The following MYLK variants were observed in gnomAD, a reference collection of about 807,000 sequenced individuals.
The protein encoded by MYLK is myosin light chain kinase, smooth muscle.
In MYLK, 106 loss-of-function variants were observed where a neutral mutation model predicts 203.4. The observed-to-expected ratio is 0.52, with a 90% confidence interval of 0.45 to 0.61. MYLK has a LOEUF of 0.61. MYLK is among the 20% of genes least tolerant of loss of function. The pLI is 0.00. For synonymous variants in MYLK, 867 were observed against 959.5 expected, an observed-to-expected ratio of 0.90 and a Z score of 1.78; for missense variants, 2,072 against 2,442.3, an observed-to-expected ratio of 0.85 and a Z score of 3.20.
intron 2 of MYLK, among the ~76,000 whole-genome samples, chr3:123,852,105 A>G (rs1560290635): frequency 6.6e-6 from 1 of 152,190 alleles, no homozygotes; most frequent in South Asian, 2.1e-4. Context: ...CCACTTGATC[A>G]TGGTGGATAA....
intron 20 of MYLK, among the ~76,000 whole-genome samples, chr3:123,672,262 A>T (rs2059939101): frequency 6.6e-6 from 1 of 151,714 alleles, no homozygotes; most frequent in African/African-American, 2.4e-5. Context: ...GGAGGAAGGG[A>T]GAAGGAGGGA....
chr3:123,820,882 C>A (rs187166921), intron 3 of MYLK, among the ~76,000 whole-genome samples: 40 of 152,224 alleles, frequency 2.6e-4, no homozygotes, highest in African/African-American at 9.2e-4. Context: ...CACCACCACA[C>A]CTGGCTATTC....
At chr3:123,853,881 A>T (rs2031098569) in intron 2 of MYLK, among the ~76,000 whole-genome samples, 1 of 152,114 alleles carries the variant, frequency 6.6e-6, no homozygotes, top group South Asian at 2.1e-4. Flanking sequence ...TTCTCTCCCC[A>T]TTGAATCCAG....
chr3:123,852,378 A>G (rs1362854196), intron 2 of MYLK, among the ~76,000 whole-genome samples: 1 of 152,110 alleles, frequency 6.6e-6, no homozygotes, highest in East Asian at 1.9e-4. Flanking sequence ...TTTGGTTGGT[A>G]GGCTATTAAT....
chr3:123,611,249 T>G lies in MYLK; in HGVS notation c.*2856A>C, dbSNP rs1195527751. ...ACTCTTTCTAGACCATCCACAATAT[T>G]GTTTGAACATCTGAAGACATGGGGA... On this transcript the variant is annotated 3_prime_UTR_variant, in exon 34 of 34. Coordinates refer to ENST00000360304, the MANE Select transcript of MYLK (RefSeq NM_053025.4). The G allele has an allele frequency of 1.3e-5, 2 of 152,208 alleles. No individual in the cohort carries two copies. The highest frequency in any genetic ancestry group is 2.9e-5 in the Non-Finnish European group (2 of 68,030). The allele number at this position is 152,208 out of a possible 1,614,324, so 9.4% of individuals were successfully genotyped here.
At chr3:123,831,797 A>G (rs1225917383) in intron 2 of MYLK, 127 bp from the exon 3 acceptor site, 1 of 168,458 alleles carries the variant, frequency 5.9e-6, no homozygotes, top group Non-Finnish European at 1.3e-5. Flanking sequence ...GCATCCCAAC[A>G]GTGACGATGG....
intron 2 of MYLK, among the ~76,000 whole-genome samples, chr3:123,835,571 T>C (rs1005733559): frequency 6.6e-6 from 1 of 152,190 alleles, no homozygotes; most frequent in African/African-American, 2.4e-5. Context: ...CCTGTTTGAA[T>C]AGCAAATACA....
chr3:123,796,310 T>C (rs1205637739), intron 3 of MYLK, among the ~76,000 whole-genome samples: 3 of 152,148 alleles, frequency 2.0e-5, no homozygotes, highest in Non-Finnish European at 1.5e-5. Flanking sequence ...TTGTCCAAGT[T>C]CATGCATTTA....
chr3:123,620,678 C>T lies in MYLK; in HGVS notation c.5239-342G>A, dbSNP rs117303559. On this transcript the variant is annotated intron_variant, in intron 31 of 33. Coordinates refer to ENST00000360304, the MANE Select transcript of MYLK (RefSeq NM_053025.4). ...ATAAAGCAACTGCAGGCTGAGACAGCTCCAAAGACTTATTGCTGACTGGGC... is the reference window on the plus strand; with the variant it reads ...ATAAAGCAACTGCAGGCTGAGACAGTTCCAAAGACTTATTGCTGACTGGGC... 4.4e-4 allele frequency: 474 copies of T among 1,074,046 alleles called. 9 individuals are homozygous for T. In the East Asian group the frequency reaches 0.027, roughly 62 times the overall value. The allele number at this position is 1,074,046 out of a possible 1,614,324, so 66.5% of individuals were successfully genotyped here. A position where few individuals can be genotyped will look rare whatever the true frequency, so the allele number is the denominator to read the frequency against.
intron 4 of MYLK, among the ~76,000 whole-genome samples, chr3:123,778,014 C>A (rs2064141846): frequency 6.6e-6 from 1 of 152,076 alleles, no homozygotes; most frequent in African/African-American, 2.4e-5. Context: ...TATTCTTACC[C>A]CAGGTTTATT....
intron 28 of MYLK, chr3:123,638,993 T>G (rs1207406283): frequency 1.0e-6 from 1 of 985,366 alleles, no homozygotes; most frequent in African/African-American, 1.7e-5. Context: ...CTCCAATTCC[T>G]GCCTCTCAGC....
rs1454440384 is a variant in MYLK at position 123,666,335 on chromosome 3, G to C, written c.3715C>G (p.Gln1239Glu). 1 of 1,614,244 alleles carries C rather than the reference G, an allele frequency of 6.2e-7. No individual in the cohort carries two copies. The highest frequency in any genetic ancestry group is 1.3e-5 in the African/African-American group (1 of 75,066). Reference protein sequence around the residue: ...KTPPKAAMPPQIIQFPEDQKV... With the variant: ...KTPPKAAMPPEIIQFPEDQKV... ...TGGTCCTCAGGGAACTGGATGATCT[G>C]AGGGGGCATTGCTGAGGGAGGACAG... The change falls in exon 22 of 34, where the codon CAG (glutamine) becomes GAG (glutamate). Residue 1239 changes from glutamine (Q) to glutamate (E), a missense_variant. By Grantham distance (29) the Gln-to-Glu change is conservative. Coordinates refer to ENST00000360304, the MANE Select transcript of MYLK (RefSeq NM_053025.4).
intron 3 of MYLK, among the ~76,000 whole-genome samples, chr3:123,829,911 T>A (rs1344863292): frequency 2.0e-5 from 3 of 152,220 alleles, no homozygotes; most frequent in African/African-American, 7.2e-5. Flanking sequence ...GCCCCAATGA[T>A]GCAAAGAAAG....
chr3:123,733,590 GA>G, intron 10 of MYLK, 96 bp downstream of exon 10: 2 of 1,443,404 alleles, frequency 1.4e-6, no homozygotes, highest in East Asian at 2.3e-5. Context: ...AAGATGAGTG[GA>G]TATAGGTGAT....
chr3:123,643,248 T>TCTCTAGACCCTTATTTGC (rs1383554215), intron 27 of MYLK, among the ~76,000 whole-genome samples: 2 of 152,190 alleles, frequency 1.3e-5, no homozygotes, highest in East Asian at 3.8e-4. Context: ...GGCAGGCTCA[T>TCTCTAGACCCTTATTTGC]CTCTAGACCC....
At chr3:123,852,490 C>T (rs2030923905) in intron 2 of MYLK, among the ~76,000 whole-genome samples, 1 of 152,212 alleles carries the variant, frequency 6.6e-6, no homozygotes, top group African/African-American at 2.4e-5. Context: ...TTATCCATTT[C>T]TTCTAGATTT....
rs188395917 is a variant in MYLK at position 123,735,260 on chromosome 3, C to T, written c.773+138G>A. ...ACAATAGGAGAACAAGACAAAACAC[C>T]CAAAATAAAACAACATCCTCCAAAT... On this transcript the variant is annotated intron_variant, in intron 9 of 33. Coordinates refer to ENST00000360304, the MANE Select transcript of MYLK (RefSeq NM_053025.4). 5.6e-4 allele frequency: 678 copies of T among 1,201,896 alleles called. 3 individuals are homozygous for T. The African/African-American group carries it at 9.3e-3, about 16-fold the overall frequency. 74.5% of individuals were successfully genotyped at this position (1,201,896 alleles called of 1,614,324 possible).
rs2057232699 is a variant in MYLK at position 123,610,888 on chromosome 3, CTTA to C, written c.*3214_*3216del. On this transcript the variant is annotated 3_prime_UTR_variant, in exon 34 of 34. Transcript: ENST00000360304. ...TTAGAGCTGACAACAGTCAGCATGT[CTTA>C]TTAGTTGCATGTAGGAAATATCTTT... 6.6e-6 allele frequency: 1 copy of C among 152,064 alleles called. No homozygotes were observed. The highest frequency in any genetic ancestry group is 1.5e-5 in the Non-Finnish European group (1 of 68,028). 9.4% of individuals were successfully genotyped at this position (152,064 alleles called of 1,614,324 possible). A position where few individuals can be genotyped will look rare whatever the true frequency, so the allele number is the denominator to read the frequency against.
chr3:123,725,268 C>T (rs1188723355), intron 12 of MYLK, among the ~76,000 whole-genome samples: 1 of 152,196 alleles, frequency 6.6e-6, no homozygotes, highest in Non-Finnish European at 1.5e-5. Flanking sequence ...GTAGTCCCTG[C>T]TCCATCTTAT....
Sources: gnomAD v4.1 joint callset for allele counts (sites outside exome capture counted in the v4.1 genomes callset) on GRCh38, gnomAD v4.1.1 for gene constraint, MANE v1.5 for transcripts, NCBI Gene and HGNC (gene_info 2026-07-23, HGNC 2026-07-21) for gene names.